Variants in ECHDC3 observed in about 807,000 individuals in gnomAD.
ECHDC3 encodes the protein enoyl-CoA hydratase domain containing 3.
Under a neutral mutation model 17.9 loss-of-function variants are expected in ECHDC3, and 20 were observed. The observed-to-expected ratio is 1.12, with a 90% CI of 0.79 to 1.63. The LOEUF is 1.63. Among genes scored for constraint, ECHDC3 ranks in the 40% most tolerant of loss-of-function variants. The pLI is 0.00. For synonymous variants in ECHDC3, 177 were observed against 149.7 expected, an observed-to-expected ratio of 1.18 and a Z score of -1.33; for missense variants, 407 against 357.7, an observed-to-expected ratio of 1.14 and a Z score of -1.11.
intron 3 of ECHDC3, among the ~76,000 whole-genome samples, chr10:11,754,297 G>GCAAA (rs1832861216): frequency 6.6e-6 from 1 of 152,044 alleles, no homozygotes; most frequent in African/African-American, 2.4e-5. Flanking sequence ...CCTGCCTTGG[G>GCAAA]GTATTCCCAT....
rs900297860 is a variant in ECHDC3, at chr10:11,760,433, A to C, written c.592-2791A>C. 4.6e-5 allele frequency among the ~76,000 whole-genome samples: 7 copies of C among 152,322 alleles called. 1 individual carries two copies. The highest frequency in any genetic ancestry group is 1.4e-4 in the African/African-American group (6 of 41,576). On this transcript the variant is annotated intron_variant, in intron 4 of 4. Transcript: ENST00000379215. ...CCCCACCTGGGATGAATACTTGCCC[A>C]TCTGCTGAGCCGGCCAGGAAGGAAC...
chr10:11,757,252 G>A (rs946069854), intron 4 of ECHDC3, among the ~76,000 whole-genome samples: 2 of 152,190 alleles, frequency 1.3e-5, no homozygotes, highest in African/African-American at 2.4e-5. Flanking sequence ...CTACTGTCTG[G>A]ATAAGAACCC....
Position 11,761,941 on chromosome 10 carries a change from T to TA in ECHDC3, c.592-1275dup, listed in dbSNP as rs148153562. ...GGAGATACAGAAATCAACAGAAGAC[T>TA]AAAAAAAATGGCCAGGCATGGTGGC... On this transcript the variant is annotated intron_variant, in intron 4 of 4. Coordinates refer to ENST00000379215, the MANE Select transcript of ECHDC3 (RefSeq NM_024693.5). Among the ~76,000 whole-genome samples, 1,184 of 151,648 alleles carry TA rather than the reference T, an allele frequency of 7.8e-3. 16 individuals are homozygous for TA. Among genetic ancestry groups the TA allele is most frequent in the African/African-American group, 0.026 (1,058 of 41,318 alleles).
Position 11,764,014 on chromosome 10 carries a change from A to C in ECHDC3, c.*470A>C, listed in dbSNP as rs144283381. On this transcript the variant is annotated 3_prime_UTR_variant, in exon 5 of 5. Transcript: ENST00000379215. ...TTCTTGATTCTATAGAGACTTAATC[A>C]TGCCTATGGCTTTGAATAATCTTAT... The C allele has an allele frequency of 2.2e-4, 203 of 920,508 alleles. No homozygotes were observed. In the African/African-American group the frequency reaches 3.4e-3, roughly 15 times the overall value. 57.0% of individuals were successfully genotyped at this position (920,508 alleles called of 1,614,324 possible).
In ECHDC3 at chr10:11,763,513, G is replaced by C. The variant is rs1413370365; in HGVS notation, c.881G>C (p.Arg294Thr). ...GGCATCACGGCCTTCCTCCAGAAGA[G>C]AAAACCTGTCTGGTCACACGAGCCA... ...QEGITAFLQK[R>T]KPVWSHEPV The change falls in exon 5 of 5, where the codon AGA (arginine) becomes ACA (threonine). Residue 294 changes from arginine to threonine, a missense_variant. Transcript: ENST00000379215. The surrounding 1 kb of genome is among the most constrained non-coding windows in gnomAD (Gnocchi z 4.9). 6.9e-7 allele frequency: 1 copy of C among 1,441,306 alleles called. No homozygotes were observed. The highest frequency in any genetic ancestry group is 9.6e-7 in the Non-Finnish European group (1 of 1,044,430). The allele number at this position is 1,441,306 out of a possible 1,614,324, so 89.3% of individuals were successfully genotyped here.
At chr10:11,749,723 T>C in intron 3 of ECHDC3, 131 bp downstream of exon 3, 1 of 497,660 alleles carries the variant, frequency 2.0e-6, no homozygotes, top group Non-Finnish European at 3.4e-6. Context: ...GGAAACTGTT[T>C]GGTCATCAGA....
Position 11,763,189 on chromosome 10 carries a change from A to T in ECHDC3, c.592-35A>T. 2.7e-6 allele frequency: 2 copies of T among 733,276 alleles called. No homozygotes were observed. The allele number at this position is 733,276 out of a possible 1,614,324, so 45.4% of individuals were successfully genotyped here. A position where few individuals can be genotyped will look rare whatever the true frequency, so the allele number is the denominator to read the frequency against. On this transcript the variant is annotated intron_variant, in intron 4 of 4. Transcript: ENST00000379215. The surrounding 1 kb of genome is among the most constrained non-coding windows in gnomAD (Gnocchi z 4.9). Reference sequence around the variant, plus strand: ...TCAGGTGGCGGGGGCGGGTCACAGGAGAGCACCTCAGTGACATCCCGTGTC... The same window carrying T: ...TCAGGTGGCGGGGGCGGGTCACAGGTGAGCACCTCAGTGACATCCCGTGTC...
Position 11,755,423 on chromosome 10 carries a change from C to A in ECHDC3, c.406C>A (p.Arg136=). Residue 136 remains arginine, a synonymous_variant, in exon 4 of 5, where the codon CGG becomes AGG. Transcript: ENST00000379215. ...QTCSKVMMHI[R]NHPVPVIAMV... ...TGTCCCGCAGGTCATGATGCACATCCGGAACCACCCCGTTCCCGTCATTGC... is the reference window on the plus strand; with the variant it reads ...TGTCCCGCAGGTCATGATGCACATCAGGAACCACCCCGTTCCCGTCATTGC... 3 of 1,612,136 alleles carry A rather than the reference C, an allele frequency of 1.9e-6. No homozygotes were observed. The highest frequency in any genetic ancestry group is 2.5e-6 in the Non-Finnish European group (3 of 1,178,468).
chr10:11,747,185 G>A, intron 1 of ECHDC3, 164 bp from the exon 2 acceptor site: 1 of 822,874 alleles, frequency 1.2e-6, no homozygotes, highest in Non-Finnish European at 1.7e-6. Flanking sequence ...TTTTGACTTG[G>A]CTGTAACTCC....
At chr10:11,745,912 T>A (rs1013626375) in intron 1 of ECHDC3, among the ~76,000 whole-genome samples, 1 of 152,218 alleles carries the variant, frequency 6.6e-6, no homozygotes, top group African/African-American at 2.4e-5. Context: ...GGACGCCAGC[T>A]TTTTGTGAGA....
chr10:11,759,356 T>TAAAAAA (rs151106517), intron 4 of ECHDC3, among the ~76,000 whole-genome samples: 5 of 127,404 alleles, frequency 3.9e-5, no homozygotes, highest in African/African-American at 1.7e-4. Flanking sequence ...CTCCATCTCT[T>TAAAAAA]AAAAAAAAAA....
At chr10:11,753,395 T>C (rs1832850109) in intron 3 of ECHDC3, among the ~76,000 whole-genome samples, 1 of 152,032 alleles carries the variant, frequency 6.6e-6, no homozygotes, top group South Asian at 2.1e-4. Context: ...AAAAAATTAA[T>C]AATTATATGC....
intron 4 of ECHDC3, among the ~76,000 whole-genome samples, chr10:11,758,272 C>G (rs1832906537): frequency 6.6e-6 from 1 of 152,160 alleles, no homozygotes; most frequent in Non-Finnish European, 1.5e-5. Flanking sequence ...CTTTCTGGCA[C>G]CCTATAAAAC....
rs1417615655 is a variant in ECHDC3, at chr10:11,763,468, C to A, written c.836C>A (p.Ala279Asp). ...TCCCAGGCCATGGTGGACAACCTGG[C>A]CCTGCGGGACGGGCAGGAGGGCATC... is the stretch of plus-strand genomic sequence containing the variant. ...LTSQAMVDNL[A>D]LRDGQEGITA... The change falls in exon 5 of 5, where the codon GCC (alanine) becomes GAC (aspartate). Residue 279 changes from alanine to aspartate, a missense_variant. Coordinates refer to ENST00000379215, the MANE Select transcript of ECHDC3 (RefSeq NM_024693.5). The surrounding 1 kb of genome is among the most constrained non-coding windows in gnomAD (Gnocchi z 4.9). 2.0e-6 allele frequency: 2 copies of A among 1,025,254 alleles called. No homozygotes were observed. The highest frequency in any genetic ancestry group is 3.1e-6 in the Non-Finnish European group (2 of 655,280). The allele number at this position is 1,025,254 out of a possible 1,614,324, so 63.5% of individuals were successfully genotyped here. A position where few individuals can be genotyped will look rare whatever the true frequency, so the allele number is the denominator to read the frequency against.
rs1347452418 is a variant in ECHDC3, at chr10:11,742,443, C to A, written c.-134C>A. The A allele has an allele frequency of 6.5e-6, 6 of 921,246 alleles. No homozygotes were observed. The East Asian group carries it at 1.0e-4, about 16-fold the overall frequency. 57.1% of individuals were successfully genotyped at this position (921,246 alleles called of 1,614,324 possible). On this transcript the variant is annotated 5_prime_UTR_variant, in exon 1 of 5. Transcript: ENST00000379215. ...GAAGCCTGGGCCTGTCAGGCGGTTC[C>A]GTCCGGGTCTCGGCCACCGTCGAGT...
intron 3 of ECHDC3, among the ~76,000 whole-genome samples, chr10:11,750,412 C>A (rs1054254164): frequency 1.3e-5 from 2 of 152,194 alleles, no homozygotes; most frequent in African/African-American, 2.4e-5. Flanking sequence ...TTATAATCAC[C>A]ACCTCCAAGT....
intron 1 of ECHDC3, among the ~76,000 whole-genome samples, chr10:11,743,388 A>G (rs1832718962): frequency 6.6e-6 from 1 of 152,242 alleles, no homozygotes; most frequent in East Asian, 1.9e-4. Context: ...CACCTTCCGA[A>G]GAAGACCTAG....
chr10:11,742,857 G>A lies in ECHDC3; in HGVS notation c.170+111G>A, dbSNP rs1482411898. 9 of 1,154,862 alleles carry A rather than the reference G, an allele frequency of 7.8e-6. No homozygotes were observed. In the South Asian group the frequency reaches 2.4e-4, roughly 30 times the overall value. 71.5% of individuals were successfully genotyped at this position (1,154,862 alleles called of 1,614,324 possible). A position where few individuals can be genotyped will look rare whatever the true frequency, so the allele number is the denominator to read the frequency against. ...CCGGAGCCCCGTTTACGCCCCTGGGGAGGGAACTCCCCGTGTCCCGGACCC... is the reference window on the plus strand; with the variant it reads ...CCGGAGCCCCGTTTACGCCCCTGGGAAGGGAACTCCCCGTGTCCCGGACCC... On this transcript the variant is annotated intron_variant, in intron 1 of 4. Transcript: ENST00000379215.
chr10:11,757,960 A>C (rs916885246), intron 4 of ECHDC3, among the ~76,000 whole-genome samples: 1 of 152,158 alleles, frequency 6.6e-6, no homozygotes, highest in Non-Finnish European at 1.5e-5. Flanking sequence ...ATCCATGCAC[A>C]GGCCCACCGA....
Sources: allele counts gnomAD v4.1 joint callset (sites outside exome capture counted in the v4.1 genomes callset), GRCh38; gene constraint gnomAD v4.1.1; non-coding constraint Gnocchi (gnomAD v3.1); transcripts MANE v1.5; gene names NCBI Gene and HGNC (gene_info 2026-07-23, HGNC 2026-07-21).